The following CFAP61 variants were observed in gnomAD, a reference collection of about 807,000 sequenced individuals.
The protein encoded by CFAP61 is cilia and flagella associated protein 61.
Under a neutral mutation model 135.6 loss-of-function variants are expected in CFAP61, and 107 were observed. The observed-to-expected ratio is 0.79, with a 90% CI of 0.67 to 0.93. The LOEUF (loss-of-function observed/expected upper bound fraction) is 0.93, where lower values mean the gene tolerates loss of function less well. CFAP61 is among the 40% of genes least tolerant of loss of function. The pLI, the probability that CFAP61 is intolerant of heterozygous loss-of-function variation, is 0.00. For missense variants in CFAP61, 1,507 were observed against 1,556.2 expected (o/e 0.97, Z 0.53); for synonymous variants, 575 against 578.5 (o/e 0.99, Z 0.09).
At chr20:20,347,786 A>G (rs1184900676) in intron 26 of CFAP61, among the ~76,000 whole-genome samples, 1 of 152,038 alleles carries the variant, frequency 6.6e-6, no homozygotes, top group African/African-American at 2.4e-5. Flanking sequence ...TACAAAAATT[A>G]GCCCGTCATG....
chr20:20,233,509 C>T (rs555291091), intron 18 of CFAP61, among the ~76,000 whole-genome samples: 2 of 152,148 alleles, frequency 1.3e-5, no homozygotes, highest in Non-Finnish European at 2.9e-5. Context: ...GGGAGATGGA[C>T]ATCCACAGGG....
chr20:20,194,365 A>G (rs1253205370), intron 15 of CFAP61, among the ~76,000 whole-genome samples: 1 of 151,988 alleles, frequency 6.6e-6, no homozygotes, highest in Non-Finnish European at 1.5e-5. Context: ...CACCTATTTA[A>G]CTTCCGAGTC....
chr20:20,107,535 T>C (rs1159237186), intron 8 of CFAP61: 1 of 152,210 alleles, frequency 6.6e-6, no homozygotes, highest in Admixed American at 6.5e-5. Context: ...GATGAAAAAT[T>C]AGCATACAGT....
intron 8 of CFAP61, among the ~76,000 whole-genome samples, chr20:20,117,426 A>C (rs1034646070): frequency 6.6e-6 from 1 of 152,096 alleles, no homozygotes; most frequent in African/African-American, 2.4e-5. Context: ...TGAGTTCTCT[A>C]TTCTGTTCCA....
In CFAP61 at chr20:20,108,512, A is replaced by G. The variant is rs2048565984; in HGVS notation, c.859+9698A>G. On this transcript the variant is annotated intron_variant, in intron 8 of 26. Transcript: ENST00000245957. Reference sequence around the variant, plus strand: ...AATAGTGAGGGGAAATGGTTCAGATATAATCTCAGGTGAAAAAAAAATCAA... The same window carrying G: ...AATAGTGAGGGGAAATGGTTCAGATGTAATCTCAGGTGAAAAAAAAATCAA... Among the ~76,000 whole-genome samples, 3 of 150,590 alleles carry G rather than the reference A, an allele frequency of 2.0e-5. No homozygotes were observed. The East Asian group carries it at 7.0e-4, about 35-fold the overall frequency.
chr20:20,176,776 A>G (rs2054661746), intron 13 of CFAP61, among the ~76,000 whole-genome samples: 1 of 152,174 alleles, frequency 6.6e-6, no homozygotes, highest in Non-Finnish European at 1.5e-5. Flanking sequence ...GCTGGGCTTA[A>G]TACCTAGGTG....
intron 20 of CFAP61, among the ~76,000 whole-genome samples, chr20:20,252,816 C>G (rs2146987285): frequency 6.6e-6 from 1 of 152,352 alleles, no homozygotes; most frequent in East Asian, 1.9e-4. Context: ...CTCAGCAGCT[C>G]TAAGCATCAC....
intron 21 of CFAP61, among the ~76,000 whole-genome samples, chr20:20,268,440 C>T (rs2052983382): frequency 1.3e-5 from 2 of 152,214 alleles, no homozygotes; most frequent in South Asian, 2.1e-4. Context: ...CCATTGCAGA[C>T]GCACACAGAT....
At chr20:20,358,590 A>G (rs528776379) in intron 26 of CFAP61, among the ~76,000 whole-genome samples, 1 of 152,354 alleles carries the variant, frequency 6.6e-6, no homozygotes, top group South Asian at 2.1e-4. Context: ...CAAAGTTTTC[A>G]GAACCTCCCA....
chr20:20,227,414 G>A (rs538411278), intron 17 of CFAP61, among the ~76,000 whole-genome samples: 1 of 152,342 alleles, frequency 6.6e-6, no homozygotes, highest in African/African-American at 2.4e-5. Flanking sequence ...ACCAAAAAAT[G>A]TGTGTTGAAT....
intron 6 of CFAP61, among the ~76,000 whole-genome samples, chr20:20,087,788 G>A (rs1392109845): frequency 6.6e-6 from 1 of 151,976 alleles, no homozygotes; most frequent in South Asian, 2.1e-4. Context: ...AGTACCCAAG[G>A]TCACAGCTGG....
chr20:20,078,039 A>G (rs951783462), intron 6 of CFAP61, among the ~76,000 whole-genome samples: 2 of 152,216 alleles, frequency 1.3e-5, no homozygotes, highest in African/African-American at 2.4e-5. Context: ...ATGTCAAAGA[A>G]ATATATTTTG....
rs60171844 is a variant in CFAP61 at position 20,327,777 on chromosome 20, C to CAAAAAAAAAAAAAAAAA, written c.3423-14042_3423-14026dup. Among the ~76,000 whole-genome samples, 65 of 60,344 alleles carry CAAAAAAAAAAAAAAAAA rather than the reference C, an allele frequency of 1.1e-3. 7 individuals are homozygous for CAAAAAAAAAAAAAAAAA. The highest frequency in any genetic ancestry group is 3.7e-3 in the African/African-American group (59 of 15,786). The allele number at this position is 60,344 out of a possible 152,430, so 39.6% of individuals were successfully genotyped here. On this transcript the variant is annotated intron_variant, in intron 25 of 26. Coordinates refer to ENST00000245957, the MANE Select transcript of CFAP61 (RefSeq NM_015585.4). ...CCTGGGCAACAGAGCAAGAGCCTGTCAAAAAAAAAAAAAAAAAAAAAAAAA... is the reference window on the plus strand; with the variant it reads ...CCTGGGCAACAGAGCAAGAGCCTGTCAAAAAAAAAAAAAAAAAAAAAAAAAAAAAAAAAAAAAAAAAA...
chr20:20,300,232 G>A (rs1459935524), intron 25 of CFAP61, among the ~76,000 whole-genome samples: 2 of 152,136 alleles, frequency 1.3e-5, no homozygotes, highest in African/African-American at 4.8e-5. Context: ...ACTGTCTTAT[G>A]TATTTACTAT....
Position 20,224,309 on chromosome 20 carries a change from G to A in CFAP61, c.1933-3940G>A, listed in dbSNP as rs564363379. Among the ~76,000 whole-genome samples the A allele has an allele frequency of 6.6e-5, 10 of 152,036 alleles. No individual in the cohort carries two copies. In the East Asian group the frequency reaches 9.6e-4, roughly 15 times the overall value. ...TCTTCCCTATTTTCTCATCTCAGCC[G>A]GTCTCCCCTCCCATCTGACCTCCGA... On this transcript the variant is annotated intron_variant, in intron 17 of 26. Coordinates refer to ENST00000245957, the MANE Select transcript of CFAP61 (RefSeq NM_015585.4).
intron 17 of CFAP61, among the ~76,000 whole-genome samples, chr20:20,206,267 A>C (rs2056853580): frequency 6.6e-6 from 1 of 152,206 alleles, no homozygotes; most frequent in African/African-American, 2.4e-5. Flanking sequence ...TTGAGATATA[A>C]ATCATACATA....
intron 6 of CFAP61, chr20:20,085,457 G>A: frequency 2.2e-6 from 3 of 1,365,962 alleles, no homozygotes. Context: ...TCCATTTTGG[G>A]AAAGGGCTTA....
chr20:20,136,403 G>A (rs2424264), intron 8 of CFAP61, among the ~76,000 whole-genome samples: 137,136 of 152,088 alleles, frequency 0.9, 62,635 homozygotes, highest in Middle Eastern at 0.99. Context: ...TCTAGACCCT[G>A]TAAGCATGCT....
intron 13 of CFAP61, among the ~76,000 whole-genome samples, chr20:20,175,524 G>A (rs150659443): frequency 1.4e-4 from 3 of 21,508 alleles, no homozygotes; most frequent in Non-Finnish European, 3.2e-4. Flanking sequence ...GTTTTGTTTT[G>A]TTTTGTTTTG....
Sources: gnomAD v4.1 joint callset for allele counts (sites outside exome capture counted in the v4.1 genomes callset) on GRCh38, gnomAD v4.1.1 for gene constraint, MANE v1.5 for transcripts, NCBI Gene and HGNC (gene_info 2026-07-23, HGNC 2026-07-21) for gene names.